The following TANC2 variants were observed in gnomAD, a reference collection of about 807,000 sequenced individuals.
The protein encoded by TANC2 is tetratricopeptide repeat, ankyrin repeat and coiled-coil containing 2, also known as protein TANC2.
In TANC2, 26 loss-of-function variants were observed where a neutral mutation model predicts 210.5. The observed-to-expected ratio is 0.12, with a 90% CI of 0.09 to 0.17. The LOEUF (loss-of-function observed/expected upper bound fraction) is 0.17. TANC2 is among the 10% of genes least tolerant of loss of function. The pLI is 1.00. For synonymous variants in TANC2, 931 were observed against 967.1 expected, an observed-to-expected ratio of 0.96 and a Z score of 0.69; for missense variants, 2,129 against 2,608.9, an observed-to-expected ratio of 0.82 and a Z score of 4.01.
chr17:63,042,898 G>A (rs2035244878), intron 2 of TANC2, among the ~76,000 whole-genome samples: 1 of 151,814 alleles, frequency 6.6e-6, no homozygotes, highest in African/African-American at 2.4e-5. Flanking sequence ...CATTAAGGAT[G>A]GAAGACATAG....
At chr17:63,347,872 C>T (rs1456811004) in intron 12 of TANC2, among the ~76,000 whole-genome samples, 1 of 152,126 alleles carries the variant, frequency 6.6e-6, no homozygotes, top group Non-Finnish European at 1.5e-5. Flanking sequence ...CCTCTTGAGC[C>T]CAAGCTATCC....
At chr17:63,353,527 G>C (rs1337877395) in intron 13 of TANC2, among the ~76,000 whole-genome samples, 1 of 152,098 alleles carries the variant, frequency 6.6e-6, no homozygotes, top group Non-Finnish European at 1.5e-5. Context: ...GGACTCAGGG[G>C]AGATGACTAA....
chr17:63,288,737 T>TA (rs1010950290), intron 9 of TANC2, among the ~76,000 whole-genome samples: 58 of 149,832 alleles, frequency 3.9e-4, no homozygotes, highest in Middle Eastern at 6.9e-3. Context: ...CAATTCAGAA[T>TA]AAAAAAAAAA....
intron 1 of TANC2, chr17:63,004,594 A>T (rs947548356): frequency 1.6e-4 from 6 of 37,234 alleles, no homozygotes; most frequent in Admixed American, 8.7e-4. Context: ...CATAGCTTTA[A>T]AAAAAAAAAA....
chr17:63,278,998 G>A (rs1376033496), intron 9 of TANC2, among the ~76,000 whole-genome samples: 1 of 152,086 alleles, frequency 6.6e-6, no homozygotes, highest in East Asian at 1.9e-4. Flanking sequence ...CATGAAAGAT[G>A]AAAAAGTTCT....
intron 4 of TANC2, among the ~76,000 whole-genome samples, chr17:63,143,900 C>T (rs1386478208): frequency 6.6e-6 from 1 of 152,010 alleles, no homozygotes; most frequent in Admixed American, 6.6e-5. Context: ...CACCTGTAAT[C>T]CTGGCACTTT....
rs911001991 is a variant in TANC2, at chr17:63,162,033, G to A, written c.433+10653G>A. Among the ~76,000 whole-genome samples the A allele has an allele frequency of 6.6e-5, 10 of 152,152 alleles. No individual in the cohort carries two copies. In the East Asian group the frequency reaches 1.5e-3, roughly 23 times the overall value. On this transcript the variant is annotated intron_variant, in intron 5 of 27. Transcript: ENST00000689528. ...AGAAATTTGATTGCAGGCTGGGCGC[G>A]GTGGCTCATGCTTGTAATTGCAGCA...
At chr17:62,996,126 C>CT (rs578207642) in intron 1 of TANC2, among the ~76,000 whole-genome samples, 111 of 152,236 alleles carry the variant, frequency 7.3e-4, no homozygotes, top group African/African-American at 2.5e-3. Context: ...CTGTATATAA[C>CT]TTTTTTTGAA....
At chr17:63,099,058 A>G in intron 3 of TANC2, 117 bp from the exon 4 acceptor site, 1 of 1,041,038 alleles carries the variant, frequency 9.6e-7, no homozygotes, top group Non-Finnish European at 1.4e-6. Flanking sequence ...TAGTGAAAAT[A>G]CTTTGATTTT....
chr17:63,374,751 C>A (rs1289967773), intron 14 of TANC2, among the ~76,000 whole-genome samples: 1 of 152,012 alleles, frequency 6.6e-6, no homozygotes, highest in Non-Finnish European at 1.5e-5. Flanking sequence ...GACAAATAGG[C>A]AAGGGACAAA....
intron 17 of TANC2, among the ~76,000 whole-genome samples, chr17:63,394,153 G>A (rs547155264): frequency 7.9e-5 from 12 of 152,238 alleles, no homozygotes; most frequent in African/African-American, 2.6e-4. Context: ...TAATTGAGAT[G>A]TTACTGAAAG....
rs2048725501 is a variant in TANC2, at chr17:63,412,203, G to A, written c.3898+73G>A. 2 of 1,601,706 alleles carry A rather than the reference G, an allele frequency of 1.2e-6. No homozygotes were observed. The highest frequency in any genetic ancestry group is 3.4e-5 in the Admixed American group (2 of 59,238). ...CTGGTCCAGTGGTCTGGCTGCCCTGGGTATTTGGTGTGAGTGTATATAGTT... is the reference window on the plus strand; with the variant it reads ...CTGGTCCAGTGGTCTGGCTGCCCTGAGTATTTGGTGTGAGTGTATATAGTT... On this transcript the variant is annotated intron_variant, in intron 23 of 27. Transcript: ENST00000689528. This position sits in a 1 kb window ranked among gnomAD's most constrained non-coding sequence, Gnocchi z 4.2.
At chr17:63,158,344 A>G (rs2039909098) in intron 5 of TANC2, among the ~76,000 whole-genome samples, 1 of 152,230 alleles carries the variant, frequency 6.6e-6, no homozygotes, top group Admixed American at 6.5e-5. Context: ...AGTTATTGCT[A>G]ACAACATATT....
At chr17:62,993,895 T>G (rs1317660424) in intron 1 of TANC2, among the ~76,000 whole-genome samples, 3 of 152,176 alleles carry the variant, frequency 2.0e-5, no homozygotes, top group Non-Finnish European at 4.4e-5. Context: ...TGCCACGCAC[T>G]GCAGCCTGGA....
At chr17:63,090,498 G>A (rs368308115) in intron 3 of TANC2, among the ~76,000 whole-genome samples, 1 of 152,024 alleles carries the variant, frequency 6.6e-6, no homozygotes, top group East Asian at 1.9e-4. Flanking sequence ...CAGAATGATG[G>A]TTTCCGGCTT....
chr17:63,340,132 A>G (rs1192176613), exon 12 of TANC2: 1 of 1,613,892 alleles, frequency 6.2e-7, no homozygotes, highest in Non-Finnish European at 8.5e-7. Flanking sequence ...CAAGCAGATA[A>G]TGCCTACACT....
intron 7 of TANC2, among the ~76,000 whole-genome samples, chr17:63,206,816 C>T (rs912408791): frequency 6.6e-6 from 1 of 152,102 alleles, no homozygotes; most frequent in Non-Finnish European, 1.5e-5. Context: ...GTTTGTACAA[C>T]ATTGTGAATA....
chr17:63,138,371 A>T (rs1314622277), intron 4 of TANC2, among the ~76,000 whole-genome samples: 1 of 152,232 alleles, frequency 6.6e-6, no homozygotes. Context: ...CTGTAGTGAT[A>T]CATCTTTGTG....
chr17:63,257,762 C>T (rs978756706), intron 8 of TANC2, among the ~76,000 whole-genome samples: 1 of 152,188 alleles, frequency 6.6e-6, no homozygotes, highest in Non-Finnish European at 1.5e-5. Flanking sequence ...AATAAAAACT[C>T]TCTACACTTT....
Sources: gnomAD v4.1 joint callset for allele counts (sites outside exome capture counted in the v4.1 genomes callset) on GRCh38, gnomAD v4.1.1 for gene constraint, Gnocchi (gnomAD v3.1) non-coding constraint, MANE v1.5 for transcripts, NCBI Gene and HGNC (gene_info 2026-07-23, HGNC 2026-07-21) for gene names.